The following PCDHA2 variants were observed in gnomAD, a reference collection of about 807,000 sequenced individuals.
PCDHA2 encodes protocadherin alpha 2, also known as protocadherin alpha-2.
Under a neutral mutation model 66.0 loss-of-function variants are expected in PCDHA2, and 58 were observed. The observed-to-expected ratio is 0.88, with a 90% confidence interval of 0.71 to 1.09. The LOEUF is 1.09. PCDHA2 is among the 50% of genes least tolerant of loss of function. PCDHA2 has a pLI of 0.00. For synonymous variants in PCDHA2, 634 were observed against 554.0 expected, an observed-to-expected ratio of 1.14 and a Z score of -2.03; for missense variants, 1,267 against 1,242.3, an observed-to-expected ratio of 1.02 and a Z score of -0.30.
At chr5:140,870,641 G>C in intron 1 of PCDHA2, 1 of 1,612,818 alleles carries the variant, frequency 6.2e-7, no homozygotes, top group South Asian at 1.1e-5. Context: ...CACGCGGAGA[G>C]CGGCAAGGTG....
chr5:140,989,373 C>G (rs1189877807), intron 3 of PCDHA2, among the ~76,000 whole-genome samples: 1 of 152,088 alleles, frequency 6.6e-6, no homozygotes, highest in Non-Finnish European at 1.5e-5. Flanking sequence ...TGACTGAGAG[C>G]TTTGTGGGAA....
intron 1 of PCDHA2, among the ~76,000 whole-genome samples, chr5:140,874,790 A>C (rs2055107111): frequency 6.6e-6 from 1 of 152,254 alleles, no homozygotes; most frequent in East Asian, 1.9e-4. Context: ...TCTAACTTTC[A>C]TCAGATTTAT....
rs2150442306 is a variant in PCDHA2 at position 140,849,604 on chromosome 5, C to T, written c.2388+52252C>T. 16 of 1,598,568 alleles carry T rather than the reference C, an allele frequency of 1.0e-5. 2 individuals are homozygous for T. The highest frequency in any genetic ancestry group is 1.4e-5 in the Non-Finnish European group (16 of 1,167,944). On this transcript the variant is annotated intron_variant, in intron 1 of 3. Coordinates refer to ENST00000526136, the MANE Select transcript of PCDHA2 (RefSeq NM_018905.3). ...GACGCACAACTGGGGACAGTTATTG[C>T]CCTGATTAGTGTGATCGACCTAGAC... is the stretch of plus-strand genomic sequence containing the variant.
intron 1 of PCDHA2, chr5:140,882,459 T>G (rs782544853): frequency 6.2e-7 from 1 of 1,613,996 alleles, no homozygotes; most frequent in South Asian, 1.1e-5. Context: ...CCGCGCCTGT[T>G]CCGGGTGGCG....
intron 1 of PCDHA2, among the ~76,000 whole-genome samples, chr5:140,921,875 A>G (rs1414785128): frequency 6.6e-6 from 1 of 152,118 alleles, no homozygotes; most frequent in Non-Finnish European, 1.5e-5. Flanking sequence ...CAGTATATAT[A>G]TAAGATTTTA....
At chr5:140,849,922 CG>C (rs1376450485) in intron 1 of PCDHA2, 3 of 1,598,214 alleles carry the variant, frequency 1.9e-6, no homozygotes, top group Non-Finnish European at 2.6e-6. Context: ...CACATCTTCA[CG>C]GTGTCTGCGC....
At chr5:140,875,875 G>T in intron 1 of PCDHA2, 1 of 1,614,232 alleles carries the variant, frequency 6.2e-7, no homozygotes, top group South Asian at 1.1e-5. Flanking sequence ...GGTGTTCAGA[G>T]AAAGGGAACA....
At chr5:140,916,163 C>G (rs546851152) in intron 1 of PCDHA2, among the ~76,000 whole-genome samples, 1 of 152,066 alleles carries the variant, frequency 6.6e-6, no homozygotes, top group African/African-American at 2.4e-5. Context: ...TGAATGCTGC[C>G]AGGCCTGGGA....
At chr5:140,831,243 T>A (rs916636850) in intron 1 of PCDHA2, 1 of 152,224 alleles carries the variant, frequency 6.6e-6, no homozygotes, top group Admixed American at 6.6e-5. Context: ...GCATTGCGGC[T>A]CTCTTATTTC....
At chr5:140,914,197 T>G (rs2076637069) in intron 1 of PCDHA2, among the ~76,000 whole-genome samples, 1 of 152,234 alleles carries the variant, frequency 6.6e-6, no homozygotes, top group South Asian at 2.1e-4. Flanking sequence ...ATTATTGTAT[T>G]GTGATCTCTA....
At chr5:140,873,642 G>T (rs1217578025) in intron 1 of PCDHA2, among the ~76,000 whole-genome samples, 1 of 152,154 alleles carries the variant, frequency 6.6e-6, no homozygotes, top group Non-Finnish European at 1.5e-5. Flanking sequence ...GAGTATGTGA[G>T]AACTACATAA....
At chr5:140,828,645 A>T in intron 1 of PCDHA2, 1 of 1,614,224 alleles carries the variant, frequency 6.2e-7, no homozygotes, top group South Asian at 1.1e-5. Flanking sequence ...GTGAAAATAA[A>T]CAGTGATGAC....
At chr5:140,868,887 GGC>G in intron 1 of PCDHA2, 1 of 740,170 alleles carries the variant, frequency 1.4e-6, no homozygotes, top group Non-Finnish European at 2.1e-6. Context: ...CACAGTTTTA[GGC>G]GCAAGGTGTC....
chr5:140,833,938 G>A, intron 1 of PCDHA2, among the ~76,000 whole-genome samples: 1 of 152,088 alleles, frequency 6.6e-6, no homozygotes, highest in East Asian at 1.9e-4. Flanking sequence ...TTGTCACTTA[G>A]GTTTCTATCT....
chr5:140,826,326 G>A (rs1364617796), intron 1 of PCDHA2, among the ~76,000 whole-genome samples: 1 of 151,980 alleles, frequency 6.6e-6, no homozygotes. Context: ...ATTGTTTTTG[G>A]TTAAGAAATT....
chr5:140,811,691 T>A (rs1554125796), intron 1 of PCDHA2: 1 of 152,228 alleles, frequency 6.6e-6, no homozygotes, highest in East Asian at 1.9e-4. Context: ...TGATTGCCAT[T>A]CTAACTGGTG....
chr5:140,844,973 A>G (rs1229896570), intron 1 of PCDHA2, among the ~76,000 whole-genome samples: 1 of 149,218 alleles, frequency 6.7e-6, no homozygotes, highest in African/African-American at 2.5e-5. Context: ...TGTTATTAGT[A>G]TTGTTTTAAA....
chr5:140,968,401 C>A, intron 1 of PCDHA2: 4 of 1,613,984 alleles, frequency 2.5e-6, no homozygotes, highest in Non-Finnish European at 2.5e-6. Context: ...TTCGGGAGTT[C>A]TTTGTGACTG....
intron 1 of PCDHA2, among the ~76,000 whole-genome samples, chr5:140,899,914 C>A (rs1408569942): frequency 2.0e-5 from 3 of 151,952 alleles, no homozygotes; most frequent in Admixed American, 6.6e-5. Flanking sequence ...CTCAAGCAAT[C>A]CTCCTGCCTC....
Sources: allele counts gnomAD v4.1 joint callset (sites outside exome capture counted in the v4.1 genomes callset), GRCh38; gene constraint gnomAD v4.1.1; transcripts MANE v1.5; gene names NCBI Gene and HGNC (gene_info 2026-07-23, HGNC 2026-07-21).